RAB3C: variants seen among roughly 807,000 people sequenced by gnomAD.
RAB3C encodes the protein RAB3C, member RAS oncogene family.
Under a neutral mutation model 26.4 loss-of-function variants are expected in RAB3C, and 17 were observed. That is an observed-to-expected ratio of 0.64 (90% CI 0.44 to 0.97). The LOEUF (loss-of-function observed/expected upper bound fraction) is 0.97. Ranked by LOEUF, RAB3C falls within the 50% of genes least tolerant of loss-of-function variation. The probability of loss-of-function intolerance (pLI) is 0.00; values close to 1 mark genes in which losing one functional copy is unlikely to be tolerated. For missense variants in RAB3C, 242 were observed against 281.9 expected (o/e 0.86, Z 1.01); for synonymous variants, 91 against 95.9 (o/e 0.95, Z 0.30).
intron 3 of RAB3C, among the ~76,000 whole-genome samples, chr5:58,742,932 G>A (rs1017134267): frequency 5.9e-5 from 9 of 151,944 alleles, no homozygotes; most frequent in Non-Finnish European, 1.0e-4. Context: ...ATAGGGATAC[G>A]GGAGGGAATG....
intron 2 of RAB3C, among the ~76,000 whole-genome samples, chr5:58,722,426 T>C (rs536476224): frequency 6.7e-6 from 1 of 148,358 alleles, no homozygotes; most frequent in South Asian, 2.1e-4. Context: ...AAAAAAAAAG[T>C]GTGACCAAGA....
upstream of RAB3C, chr5:58,582,971 C>A: frequency 1.7e-6 from 2 of 1,163,940 alleles, no homozygotes; most frequent in Non-Finnish European, 2.3e-6. Context: ...TAGTTCACCG[C>A]TCGCCCGTTT....
intron 2 of RAB3C, among the ~76,000 whole-genome samples, chr5:58,700,769 G>A (rs1466186454): frequency 2.0e-5 from 3 of 152,112 alleles, no homozygotes; most frequent in African/African-American, 7.2e-5. Flanking sequence ...ATTCCTGTCT[G>A]TTCCAGTTGG....
At chr5:58,721,249 A>C (rs1272016855) in intron 2 of RAB3C, among the ~76,000 whole-genome samples, 8 of 79,308 alleles carry the variant, frequency 1.0e-4, no homozygotes, top group East Asian at 3.3e-4. Context: ...TTTTTTTTTC[A>C]AAAAAAAAAA....
chr5:58,789,796 T>C (rs778349408), intron 3 of RAB3C, among the ~76,000 whole-genome samples: 12 of 152,252 alleles, frequency 7.9e-5, no homozygotes, highest in Non-Finnish European at 1.0e-4. Flanking sequence ...ACAGCTTAAG[T>C]AAATAATTCT....
At chr5:58,775,475 T>C (rs1742109753) in intron 3 of RAB3C, among the ~76,000 whole-genome samples, 1 of 151,952 alleles carries the variant, frequency 6.6e-6, no homozygotes, top group Non-Finnish European at 1.5e-5. Context: ...CAAGCAGGGT[T>C]TGCAGACTGA....
rs116159843 is a variant in RAB3C at position 58,754,094 on chromosome 5, A to G, written c.371+27974A>G. 4.1e-3 allele frequency among the ~76,000 whole-genome samples: 619 copies of G among 152,220 alleles called. 3 individuals carry two copies. The highest frequency in any genetic ancestry group is 0.013 in the African/African-American group (547 of 41,532). ...TATTTGAGAGGGGAGAGAAGTGTAC[A>G]TACATTTTAGAAAGCTTTCCATCAC... On this transcript the variant is annotated intron_variant, in intron 3 of 4. Transcript: ENST00000282878.
chr5:58,833,029 TTC>T (rs1743650335), intron 4 of RAB3C, among the ~76,000 whole-genome samples: 1 of 152,256 alleles, frequency 6.6e-6, no homozygotes, highest in South Asian at 2.1e-4. Context: ...CAATTTTTTT[TTC>T]AGTTATTGGG....
chr5:58,625,313 T>TC (rs1038083180), intron 2 of RAB3C, among the ~76,000 whole-genome samples: 2 of 151,994 alleles, frequency 1.3e-5, no homozygotes, highest in Non-Finnish European at 2.9e-5. Flanking sequence ...TTTAAATAAT[T>TC]CCCCCCTGGT....
chr5:58,774,068 T>C (rs1742078223), intron 3 of RAB3C, among the ~76,000 whole-genome samples: 1 of 152,154 alleles, frequency 6.6e-6, no homozygotes. Flanking sequence ...CTACTGGCCT[T>C]GCTCTGACAT....
At chr5:58,669,527 G>T (rs10055388) in intron 2 of RAB3C, among the ~76,000 whole-genome samples, 25,882 of 152,058 alleles carry the variant, frequency 0.17, 2,298 homozygotes, top group African/African-American at 0.2. Flanking sequence ...GTAAATCCCA[G>T]TTCCAAGGTC....
At chr5:58,692,770 A>G (rs943022483) in intron 2 of RAB3C, among the ~76,000 whole-genome samples, 1 of 152,072 alleles carries the variant, frequency 6.6e-6, no homozygotes, top group African/African-American at 2.4e-5. Context: ...CAATGGTTGT[A>G]AGTCCTTGGC....
chr5:58,758,674 T>C (rs966296415), intron 3 of RAB3C, among the ~76,000 whole-genome samples: 3 of 152,008 alleles, frequency 2.0e-5, no homozygotes, highest in Non-Finnish European at 4.4e-5. Flanking sequence ...GAATTGCAGG[T>C]TTTGAAAGGT....
At chr5:58,727,764 A>G (rs1306670520) in intron 3 of RAB3C, among the ~76,000 whole-genome samples, 1 of 152,002 alleles carries the variant, frequency 6.6e-6, no homozygotes. Flanking sequence ...ATCCCAGGCC[A>G]GAAGTGCTAT....
intron 3 of RAB3C, among the ~76,000 whole-genome samples, chr5:58,734,998 A>G (rs1249945314): frequency 6.6e-6 from 1 of 152,210 alleles, no homozygotes; most frequent in Non-Finnish European, 1.5e-5. Flanking sequence ...CTTATTTAAT[A>G]TATACAGTTG....
intron 3 of RAB3C, among the ~76,000 whole-genome samples, chr5:58,781,213 C>A (rs143905731): frequency 6.6e-6 from 1 of 152,136 alleles, no homozygotes; most frequent in African/African-American, 2.4e-5. Context: ...CCTGACTCCA[C>A]ACAGTATGGC....
At chr5:58,776,891 A>G (rs1347660442) in intron 3 of RAB3C, among the ~76,000 whole-genome samples, 1 of 152,148 alleles carries the variant, frequency 6.6e-6, no homozygotes, top group Non-Finnish European at 1.5e-5. Context: ...CAGAAGCAGT[A>G]TGTATATAAC....
At chr5:58,667,217 AT>A (rs1384488733) in intron 2 of RAB3C, among the ~76,000 whole-genome samples, 1 of 152,208 alleles carries the variant, frequency 6.6e-6, no homozygotes, top group Admixed American at 6.5e-5. Context: ...CAGTTATAAA[AT>A]TTGATTCCTC....
intron 1 of RAB3C, among the ~76,000 whole-genome samples, chr5:58,603,123 G>A (rs1440252575): frequency 2.0e-5 from 3 of 152,080 alleles, no homozygotes; most frequent in African/African-American, 7.2e-5. Context: ...TTTTGTTTGA[G>A]GAAGCTGAAG....
Sources: gnomAD v4.1 joint callset for allele counts (sites outside exome capture counted in the v4.1 genomes callset) on GRCh38, gnomAD v4.1.1 for gene constraint, MANE v1.5 for transcripts, NCBI Gene and HGNC (gene_info 2026-07-23, HGNC 2026-07-21) for gene names.